The following ORC3 variants were observed in gnomAD, a reference collection of about 807,000 sequenced individuals.
ORC3 encodes the protein origin recognition complex subunit 3.
Under a neutral mutation model 100.7 loss-of-function variants are expected in ORC3, and 78 were observed. The observed-to-expected ratio is 0.77, with a 90% CI of 0.65 to 0.94. The LOEUF (loss-of-function observed/expected upper bound fraction) is 0.94, where lower values mean the gene tolerates loss of function less well. ORC3 is among the 40% of genes least tolerant of loss of function. The pLI, the probability that ORC3 is intolerant of heterozygous loss-of-function variation, is 0.00. For missense variants in ORC3, 789 were observed against 823.9 expected, an observed-to-expected ratio of 0.96 and a Z score of 0.52; for synonymous variants, 295 against 289.3, an observed-to-expected ratio of 1.02 and a Z score of -0.20.
chr6:87,592,142 A>G (rs924987149), intron 1 of ORC3, among the ~76,000 whole-genome samples: 4 of 152,166 alleles, frequency 2.6e-5, no homozygotes, highest in African/African-American at 9.7e-5. Flanking sequence ...ATGGTTAACC[A>G]TGTTACTACC....
At chr6:87,648,936 A>G (rs1167669533) in intron 13 of ORC3, among the ~76,000 whole-genome samples, 1 of 152,250 alleles carries the variant, frequency 6.6e-6, no homozygotes, top group Non-Finnish European at 1.5e-5. Flanking sequence ...AGATGTAAAC[A>G]TATTGAGTCT....
At chr6:87,608,402 C>A in intron 6 of ORC3, among the ~76,000 whole-genome samples, 1 of 152,050 alleles carries the variant, frequency 6.6e-6, no homozygotes, top group Admixed American at 6.6e-5. Context: ...TAGGTAATTG[C>A]GTCATAAAAC....
Position 87,602,522 on chromosome 6 carries a change from C to T in ORC3, c.177+641C>T, listed in dbSNP as rs536200166. Among the ~76,000 whole-genome samples the T allele has an allele frequency of 3.1e-3, 456 of 148,126 alleles. 4 individuals carry two copies. Among genetic ancestry groups the T allele is most frequent in the Non-Finnish European group, 3.6e-3 (244 of 67,178 alleles). On this transcript the variant is annotated intron_variant, in intron 3 of 19. Transcript: ENST00000392844. Reference sequence around the variant, plus strand: ...TGTAGTTTTTGGTTTAATTGCCTTTCGGAAGGTTATATACTTTCCAGTTTA... The same window carrying T: ...TGTAGTTTTTGGTTTAATTGCCTTTTGGAAGGTTATATACTTTCCAGTTTA...
chr6:87,614,613 A>G (rs1478017776), intron 8 of ORC3, among the ~76,000 whole-genome samples: 1 of 152,172 alleles, frequency 6.6e-6, no homozygotes, highest in Non-Finnish European at 1.5e-5. Context: ...CACCTCTTGA[A>G]TGCTTTGCTG....
chr6:87,674,573 A>C, the ORC3 span, among the ~76,000 whole-genome samples: 1 of 150,692 alleles, frequency 6.6e-6, no homozygotes, highest in Non-Finnish European at 1.5e-5. Context: ...TTCTATAGCA[A>C]TTAAAATACC....
downstream of ORC3, among the ~76,000 whole-genome samples, chr6:87,669,506 T>C (rs1161647586): frequency 2.0e-5 from 3 of 152,218 alleles, no homozygotes; most frequent in Non-Finnish European, 4.4e-5. Flanking sequence ...ACTGGACAAA[T>C]AGAAGCCTTG....
rs559486611 is a variant in ORC3 at position 87,607,531 on chromosome 6, A to G, written c.428-142A>G. ...ATCAGTAGTTAATATGTTAAATGTT[A>G]CATTAGCTGTATTGATGGTAAGTAT... is the stretch of plus-strand genomic sequence containing the variant. On this transcript the variant is annotated intron_variant, in intron 5 of 19. Coordinates refer to ENST00000392844, the MANE Select transcript of ORC3 (RefSeq NM_012381.4). 1.5e-4 allele frequency: 92 copies of G among 594,830 alleles called. 1 individual carries two copies. The South Asian group carries it at 2.1e-3, about 13-fold the overall frequency. The allele number at this position is 594,830 out of a possible 1,614,324, so 36.8% of individuals were successfully genotyped here.
At chr6:87,670,726 A>AAAG (rs1009180305), downstream of ORC3, among the ~76,000 whole-genome samples, 1 of 152,230 alleles carries the variant, frequency 6.6e-6, no homozygotes, top group Non-Finnish European at 1.5e-5. Context: ...ATACATTCAA[A>AAAG]AAGTACCAAG....
At chr6:87,670,410 C>T (rs1770809022), downstream of ORC3, among the ~76,000 whole-genome samples, 1 of 152,148 alleles carries the variant, frequency 6.6e-6, no homozygotes, top group African/African-American at 2.4e-5. Context: ...AAGCGATCCA[C>T]CCACCTAGGC....
At chr6:87,610,052 A>G (rs183061264) in intron 7 of ORC3, among the ~76,000 whole-genome samples, 3 of 152,138 alleles carry the variant, frequency 2.0e-5, no homozygotes, top group African/African-American at 7.2e-5. Context: ...GAAATAATGA[A>G]CTCTTATTTT....
intron 4 of ORC3, among the ~76,000 whole-genome samples, chr6:87,605,440 C>T (rs28381480): frequency 8.5e-5 from 13 of 152,136 alleles, no homozygotes; most frequent in South Asian, 2.1e-4. Context: ...CACTTGAGGT[C>T]GGGAGTTTGA....
the ORC3 span, among the ~76,000 whole-genome samples, chr6:87,677,486 A>T: frequency 1.3e-5 from 2 of 152,210 alleles, no homozygotes; most frequent in Non-Finnish European, 2.9e-5. Flanking sequence ...AGCCAATTAG[A>T]TATTTTAAAT....
In ORC3 at chr6:87,653,272, A is replaced by G; in HGVS notation, c.1516+23A>G. Reference sequence around the variant, plus strand: ...ATGGTAAGAGTGTAATATCCTTCCAATTCTATTGGCCATGACAGTCATTTA... The same window carrying G: ...ATGGTAAGAGTGTAATATCCTTCCAGTTCTATTGGCCATGACAGTCATTTA... On this transcript the variant is annotated intron_variant, in intron 14 of 19. Transcript: ENST00000392844. 5 of 1,606,304 alleles carry G rather than the reference A, an allele frequency of 3.1e-6. No individual in the cohort carries two copies. In the East Asian group the frequency reaches 8.9e-5, roughly 29 times the overall value.
the ORC3 span, among the ~76,000 whole-genome samples, chr6:87,673,065 C>T: frequency 6.6e-6 from 1 of 151,018 alleles, no homozygotes; most frequent in Non-Finnish European, 1.5e-5. Flanking sequence ...AATCAACTAC[C>T]GGACCCATCT....
intron 11 of ORC3, among the ~76,000 whole-genome samples, chr6:87,627,130 T>G (rs1779966807): frequency 6.6e-6 from 1 of 151,702 alleles, no homozygotes; most frequent in Non-Finnish European, 1.5e-5. Flanking sequence ...CCCAAGTAGC[T>G]GGGGTTACAG....
At chr6:87,637,777 C>T (rs1415693099) in intron 13 of ORC3, among the ~76,000 whole-genome samples, 1 of 152,144 alleles carries the variant, frequency 6.6e-6, no homozygotes, top group African/African-American at 2.4e-5. Flanking sequence ...ATGCCAGTTC[C>T]AAAGTAGGGT....
chr6:87,594,246 C>G, intron 1 of ORC3, 107 bp from the exon 2 acceptor site: 1 of 680,710 alleles, frequency 1.5e-6, no homozygotes, highest in Non-Finnish European at 2.5e-6. Flanking sequence ...GTTCTCTCCC[C>G]TAACATCTTT....
intron 11 of ORC3, among the ~76,000 whole-genome samples, chr6:87,626,951 A>C (rs1435629486): frequency 6.6e-6 from 1 of 152,080 alleles, no homozygotes; most frequent in East Asian, 1.9e-4. Context: ...TCACTCATAA[A>C]AATTAAGATC....
intron 2 of ORC3, chr6:87,594,628 A>C (rs1777294183): frequency 1.2e-5 from 14 of 1,122,234 alleles, no homozygotes; most frequent in Non-Finnish European, 1.6e-5. Context: ...GTTGGAAGCA[A>C]ATTTCCTTCA....
Sources: gnomAD v4.1 joint callset for allele counts (sites outside exome capture counted in the v4.1 genomes callset) on GRCh38, gnomAD v4.1.1 for gene constraint, MANE v1.5 for transcripts, NCBI Gene and HGNC (gene_info 2026-07-23, HGNC 2026-07-21) for gene names.